The following ERGIC2 variants were observed in gnomAD, a reference collection of about 807,000 sequenced individuals.
The protein encoded by ERGIC2 is ERGIC and golgi 2.
Under a neutral mutation model 52.5 loss-of-function variants are expected in ERGIC2, and 31 were observed. The observed-to-expected ratio is 0.59, with a 90% confidence interval of 0.44 to 0.80. The LOEUF (loss-of-function observed/expected upper bound fraction) is 0.80. Among genes scored for constraint, ERGIC2 ranks in the 30% least tolerant of loss-of-function variants. The probability of loss-of-function intolerance (pLI) is 0.00; values close to 1 mark genes in which losing one functional copy is unlikely to be tolerated. For missense variants in ERGIC2, 395 were observed against 455.2 expected (o/e 0.87, Z 1.20); for synonymous variants, 129 against 140.6 (o/e 0.92, Z 0.58).
At chr12:29,346,631 A>T (rs993048761) in intron 10 of ERGIC2, among the ~76,000 whole-genome samples, 1 of 152,218 alleles carries the variant, frequency 6.6e-6, no homozygotes, top group Admixed American at 6.5e-5. Flanking sequence ...GAATAAATAC[A>T]AGGAACTGAT....
intron 8 of ERGIC2, among the ~76,000 whole-genome samples, chr12:29,351,955 T>C (rs750674892): frequency 1.1e-4 from 16 of 152,208 alleles, no homozygotes; most frequent in South Asian, 2.1e-4. Flanking sequence ...TTAAATAGTG[T>C]CATTGCTTAA....
chr12:29,348,540 G>T (rs910944877), intron 10 of ERGIC2, among the ~76,000 whole-genome samples: 1 of 151,868 alleles, frequency 6.6e-6, no homozygotes, highest in Non-Finnish European at 1.5e-5. Flanking sequence ...TGGAGCAGAA[G>T]GTTAAATAGA....
chr12:29,350,943 T>C (rs1431847950), intron 8 of ERGIC2, among the ~76,000 whole-genome samples: 1 of 152,096 alleles, frequency 6.6e-6, no homozygotes, highest in African/African-American at 2.4e-5. Flanking sequence ...TTTTCCCTTA[T>C]ACTTTTAGGC....
intron 6 of ERGIC2, among the ~76,000 whole-genome samples, chr12:29,361,310 C>T (rs778905908): frequency 6.6e-6 from 1 of 151,918 alleles, no homozygotes; most frequent in Non-Finnish European, 1.5e-5. Context: ...CCTGTGGGGC[C>T]GCAGTCTGGA....
At chr12:29,375,341 G>A (rs1009032872) in intron 1 of ERGIC2, among the ~76,000 whole-genome samples, 1 of 152,156 alleles carries the variant, frequency 6.6e-6, no homozygotes, top group African/African-American at 2.4e-5. Context: ...TATCTCCAAT[G>A]CCTAGCGAAC....
chr12:29,357,449 A>T (rs928129272), intron 7 of ERGIC2, among the ~76,000 whole-genome samples, 174 bp downstream of exon 7: 2 of 152,238 alleles, frequency 1.3e-5, no homozygotes, highest in African/African-American at 4.8e-5. Flanking sequence ...GATAATTCTG[A>T]TCAAAATCAC....
At chr12:29,348,271 A>C (rs1940085450) in intron 10 of ERGIC2, among the ~76,000 whole-genome samples, 1 of 152,116 alleles carries the variant, frequency 6.6e-6, no homozygotes, top group Non-Finnish European at 1.5e-5. Context: ...AATATGAATA[A>C]ATCTGAATAG....
chr12:29,370,472 A>G (rs1266830801), intron 2 of ERGIC2, among the ~76,000 whole-genome samples: 1 of 151,968 alleles, frequency 6.6e-6, no homozygotes, highest in Non-Finnish European at 1.5e-5. Context: ...AAAGCATTTT[A>G]TTTCTCCAAT....
intron 1 of ERGIC2, among the ~76,000 whole-genome samples, chr12:29,375,215 T>TCAA (rs1233517540): frequency 1.3e-5 from 2 of 152,194 alleles, no homozygotes; most frequent in Non-Finnish European, 2.9e-5. Context: ...TCCATGGCCT[T>TCAA]CAAAGTCTAT....
intron 10 of ERGIC2, 34 bp from the exon 11 acceptor site, chr12:29,345,574 T>C (rs1198148810): frequency 1.8e-6 from 2 of 1,126,858 alleles, no homozygotes; most frequent in Non-Finnish European, 2.7e-6. Flanking sequence ...ATCAATTCAG[T>C]AGCAACAAAA....
rs1949831185 is a variant in ERGIC2, at chr12:29,340,673, T to C, written c.*483A>G. The C allele has an allele frequency of 6.7e-6, 2 of 300,368 alleles. No individual in the cohort carries two copies. The highest frequency in any genetic ancestry group is 1.3e-5 in the Non-Finnish European group (2 of 158,596). The allele number at this position is 300,368 out of a possible 1,614,324, so 18.6% of individuals were successfully genotyped here. A position where few individuals can be genotyped will look rare whatever the true frequency, so the allele number is the denominator to read the frequency against. On this transcript the variant is annotated 3_prime_UTR_variant, in exon 14 of 14. Transcript: ENST00000360150. ...GCCCGTTTTTTTTTTTTATTAACAA[T>C]GTGACCTGATCACAATTCTTTAAAG... is the stretch of plus-strand genomic sequence containing the variant.
intron 4 of ERGIC2, 102 bp from the exon 5 acceptor site, chr12:29,367,049 A>C: frequency 3.3e-6 from 1 of 306,366 alleles, no homozygotes. Context: ...TCACCAAGCA[A>C]AAAAAAAAAA....
intron 4 of ERGIC2, 86 bp downstream of exon 4, chr12:29,368,155 A>C (rs905935783): frequency 7.4e-6 from 6 of 811,172 alleles, no homozygotes; most frequent in Non-Finnish European, 6.3e-6. Flanking sequence ...GGAAAAATAA[A>C]GTACAACCAG....
intron 8 of ERGIC2, among the ~76,000 whole-genome samples, chr12:29,353,140 T>C (rs181808712): frequency 2.0e-3 from 298 of 152,298 alleles, no homozygotes; most frequent in African/African-American, 6.9e-3. Flanking sequence ...GGCAATACAA[T>C]GATTAGGGAA....
At chr12:29,362,946 T>C (rs1393510553) in intron 5 of ERGIC2, among the ~76,000 whole-genome samples, 2 of 152,238 alleles carry the variant, frequency 1.3e-5, no homozygotes, top group Non-Finnish European at 2.9e-5. Context: ...CAGTGGCGAC[T>C]ATATGATTTT....
chr12:29,380,449 G>C (rs1262012766), intron 1 of ERGIC2: 1 of 152,016 alleles, frequency 6.6e-6, no homozygotes, highest in Non-Finnish European at 1.5e-5. Flanking sequence ...TTATTTAAAC[G>C]TGTTTTCTCA....
chr12:29,369,907 A>C (rs1403648956), intron 3 of ERGIC2, among the ~76,000 whole-genome samples: 2 of 151,976 alleles, frequency 1.3e-5, no homozygotes, highest in Non-Finnish European at 2.9e-5. Flanking sequence ...TAAATCAAAG[A>C]ACCTCAGTTT....
chr12:29,354,574 G>A (rs1013948746), intron 8 of ERGIC2, among the ~76,000 whole-genome samples: 2 of 152,052 alleles, frequency 1.3e-5, no homozygotes, highest in Admixed American at 6.6e-5. Context: ...GAGGTAATAT[G>A]AGACCTTCAA....
intron 2 of ERGIC2, among the ~76,000 whole-genome samples, chr12:29,370,505 T>C (rs1940426757): frequency 6.6e-6 from 1 of 151,930 alleles, no homozygotes; most frequent in African/African-American, 2.4e-5. Flanking sequence ...TCTCACTAAG[T>C]AGAGTTGACA....
Sources: gnomAD v4.1 joint callset for allele counts (sites outside exome capture counted in the v4.1 genomes callset) on GRCh38, gnomAD v4.1.1 for gene constraint, MANE v1.5 for transcripts, NCBI Gene and HGNC (gene_info 2026-07-23, HGNC 2026-07-21) for gene names.